The following PDE4A variants were observed in gnomAD, a reference collection of about 807,000 sequenced individuals.
PDE4A encodes phosphodiesterase 4A.
PDE4A carries 21 observed loss-of-function variants against 73.9 expected under a neutral mutation model. The ratio of observed to expected loss-of-function variants is 0.28; its 90% confidence interval spans 0.20 to 0.41. PDE4A has a LOEUF of 0.41. Among genes scored for constraint, PDE4A ranks in the 10% least tolerant of loss-of-function variants. PDE4A has a pLI of 1.00. For synonymous variants in PDE4A, 463 were observed against 505.4 expected, an observed-to-expected ratio of 0.92 and a Z score of 1.13; for missense variants, 958 against 1,211.4, an observed-to-expected ratio of 0.79 and a Z score of 3.10.
At position 10,461,012 on chromosome 19, in the gene PDE4A, C is replaced by G; in HGVS notation, c.1374C>G (p.Phe458Leu). Reference sequence around the variant, plus strand: ...CGTGTCTCTGCTCCCAGGCAGTGTTCACGGACCTGGAGATTCTCGCCGCCC... The same window carrying G: ...CGTGTCTCTGCTCCCAGGCAGTGTTGACGGACCTGGAGATTCTCGCCGCCC... ...LLATPALDAV[F>L]TDLEILAALF... is the part of the protein sequence containing the mutation. Residue 458 changes from phenylalanine to leucine, a missense_variant, in exon 11 of 15, where the codon TTC becomes TTG. Physicochemically the swap from Phe to Leu is conservative, Grantham distance 22. Around this residue, in one of 3 missense-constraint regions of PDE4A, gnomAD observed 570 missense variants for 827.7 expected, o/e 0.69. Transcript: ENST00000380702. The G allele has an allele frequency of 6.2e-7, 1 of 1,613,140 alleles. No individual in the cohort carries two copies. Among genetic ancestry groups the G allele is most frequent in the Non-Finnish European group, 8.5e-7 (1 of 1,179,314 alleles).
intron 1 of PDE4A, among the ~76,000 whole-genome samples, chr19:10,421,864 G>A (rs892742984): frequency 6.6e-6 from 1 of 152,200 alleles, no homozygotes; most frequent in Admixed American, 6.5e-5. Context: ...TGCTCCAGCT[G>A]TCCGGGTATG....
Position 10,424,276 on chromosome 19 carries a change from C to A in PDE4A, c.320+3192C>A, listed in dbSNP as rs2042686245. On this transcript the variant is annotated intron_variant, in intron 1 of 14. Transcript: ENST00000380702. This position sits in a 1 kb window ranked among gnomAD's most constrained non-coding sequence, Gnocchi z 4.8. Reference sequence around the variant, plus strand: ...CTGAACTGGGGACGGGGCCAACATACGGACCCTGCGTCCCCCCTCCCTGGG... The same window carrying A: ...CTGAACTGGGGACGGGGCCAACATAAGGACCCTGCGTCCCCCCTCCCTGGG... Among the ~76,000 whole-genome samples the A allele has an allele frequency of 6.6e-6, 1 of 152,216 alleles. No homozygotes were observed. The highest frequency in any genetic ancestry group is 2.4e-5 in the African/African-American group (1 of 41,464).
At chr19:10,446,062 T>C in intron 1 of PDE4A, 156 bp from the exon 2 acceptor site, 2 of 738,896 alleles carry the variant, frequency 2.7e-6, no homozygotes, top group Non-Finnish European at 3.3e-6. Context: ...GGTCTCGAAC[T>C]CCTGACCTCA....
At position 10,454,176 on chromosome 19, in the gene PDE4A, A is replaced by G. The variant is rs1456709753; in HGVS notation, c.784-653A>G. Among the ~76,000 whole-genome samples, 5 of 152,252 alleles carry G rather than the reference A, an allele frequency of 3.3e-5. No individual in the cohort carries two copies. In the South Asian group the frequency reaches 1.0e-3, roughly 32 times the overall value. On this transcript the variant is annotated intron_variant, in intron 6 of 14. Transcript: ENST00000380702. ...TTCTGGGGTTGGGGGAGAGTGGGCT[A>G]TGATGAGAACCCCCCTCCCCCTCCC...
chr19:10,425,222 C>CA (rs71297580), intron 1 of PDE4A, among the ~76,000 whole-genome samples: 18,692 of 143,404 alleles, frequency 0.13, 1,286 homozygotes, highest in South Asian at 0.22. Flanking sequence ...GACCCTGTCT[C>CA]AAAAAAAAAA....
intron 7 of PDE4A, among the ~76,000 whole-genome samples, chr19:10,456,513 G>A (rs2043171725): frequency 6.6e-6 from 1 of 150,966 alleles, no homozygotes; most frequent in Admixed American, 6.6e-5. Flanking sequence ...GTGACAGAGT[G>A]AGACTCCATC....
At chr19:10,428,778 C>A in intron 1 of PDE4A, 2 of 985,342 alleles carry the variant, frequency 2.0e-6, no homozygotes. Flanking sequence ...TCACTCTGGG[C>A]CCCATGGCAT....
chr19:10,438,875 G>C (rs928858534), intron 1 of PDE4A, among the ~76,000 whole-genome samples: 4 of 152,098 alleles, frequency 2.6e-5, no homozygotes, highest in Non-Finnish European at 5.9e-5. Flanking sequence ...CAAAGTGCTG[G>C]GTCACTGAGC....
At position 10,446,238 on chromosome 19, in the gene PDE4A, C is replaced by A; in HGVS notation, c.341C>A (p.Pro114Gln). Residue 114 changes from proline (P) to glutamine (Q), a missense_variant, in exon 2 of 15, where the codon CCG becomes CAG. Pro to Gln is a moderately conservative substitution (Grantham distance 76, BLOSUM62 -1). Coordinates refer to ENST00000380702, the MANE Select transcript of PDE4A (RefSeq NM_001111307.2). ...TGCAGCTTCGAGGCAGAGAATGGGC[C>A]GACACCATCTCCTGGCCGCAGCCCC... ...SSRRFEAENGPTPSPGRSPLD... is the reference protein window; with the variant it reads ...SSRRFEAENGQTPSPGRSPLD... 2 of 1,581,312 alleles carry A rather than the reference C, an allele frequency of 1.3e-6. No homozygotes were observed. Among genetic ancestry groups the A allele is most frequent in the Admixed American group, 3.7e-5 (2 of 54,252 alleles).
intron 8 of PDE4A, 107 bp from the exon 9 acceptor site, chr19:10,459,293 G>A: frequency 6.4e-7 from 1 of 1,560,752 alleles, no homozygotes; most frequent in Middle Eastern, 1.7e-4. Flanking sequence ...CCCACTGGGT[G>A]AGCAATAATG....
chr19:10,464,153 A>C (rs2043325295), intron 14 of PDE4A, 178 bp downstream of exon 14: 1 of 766,956 alleles, frequency 1.3e-6, no homozygotes, highest in Non-Finnish European at 2.1e-6. Flanking sequence ...GCTGGAGTAC[A>C]ATGGCACGAT....
At position 10,467,443 on chromosome 19, in the gene PDE4A, C is replaced by T. The variant is rs200707536; in HGVS notation, c.2483C>T (p.Ser828Phe). The change falls in exon 15 of 15, where the codon TCT (serine) becomes TTT (phenylalanine). Residue 828 changes from serine (S) to phenylalanine (F), a missense_variant. Transcript: ENST00000380702. ...SPLLPAWRTLSVSEHAPGLPG... is the reference protein window; with the variant it reads ...SPLLPAWRTLFVSEHAPGLPG... Reference sequence around the variant, plus strand: ...CTTCTCCCTGCTTGGAGGACCCTGTCTGTTTCAGAGCATGCCCCGGGCCTC... The same window carrying T: ...CTTCTCCCTGCTTGGAGGACCCTGTTTGTTTCAGAGCATGCCCCGGGCCTC... The T allele has an allele frequency of 1.7e-4, 281 of 1,613,788 alleles. 5 individuals carry two copies. Among genetic ancestry groups the T allele is most frequent in the South Asian group, 9.0e-4 (82 of 91,072 alleles).
At chr19:10,426,847 G>C (rs1426724482) in intron 1 of PDE4A, among the ~76,000 whole-genome samples, 1 of 149,880 alleles carries the variant, frequency 6.7e-6, no homozygotes, top group South Asian at 2.1e-4. Context: ...CAGCCTGGGT[G>C]ACAAAGCCAG....
intron 2 of PDE4A, 151 bp from the exon 3 acceptor site, chr19:10,448,766 T>C (rs1361232564): frequency 1.4e-6 from 2 of 1,446,158 alleles, no homozygotes; most frequent in South Asian, 2.8e-5. Context: ...TGGACACATA[T>C]CCACCCTTAT....
At chr19:10,430,009 G>A (rs1454583501) in intron 1 of PDE4A, among the ~76,000 whole-genome samples, 1 of 151,954 alleles carries the variant, frequency 6.6e-6, no homozygotes. Context: ...ACCTATATTC[G>A]GTCTATGAAA....
At position 10,463,912 on chromosome 19, in the gene PDE4A, C is replaced by G. The variant is rs202169888; in HGVS notation, c.1863C>G (p.Arg621=). The G allele has an allele frequency of 2.6e-5, 42 of 1,613,950 alleles. No homozygotes were observed. In the South Asian group the frequency reaches 4.5e-4, roughly 17 times the overall value. Residue 621 remains arginine, a synonymous_variant, in exon 14 of 15, where the codon CGC becomes CGG. Transcript: ENST00000380702. The stretch of plus-strand genomic sequence containing the variant: ...TCTTCCAGCAGGGTGACCGAGAGCG[C>G]GAGCGTGGCATGGAAATCAGCCCCA... ...AEFFQQGDRE[R]ERGMEISPMC...
Position 10,453,983 on chromosome 19 carries a change from C to T in PDE4A, c.784-846C>T, listed in dbSNP as rs970718211. On this transcript the variant is annotated intron_variant, in intron 6 of 14. Coordinates refer to ENST00000380702, the MANE Select transcript of PDE4A (RefSeq NM_001111307.2). This position sits in a 1 kb window ranked among gnomAD's most constrained non-coding sequence, Gnocchi z 4.6. The stretch of plus-strand genomic sequence containing the variant: ...CCTGCTTCCCTGGACAGAGTCTGCT[C>T]CTGCTTTTGGGGTGCTGTGGCAGAG... Among the ~76,000 whole-genome samples, 3 of 152,108 alleles carry T rather than the reference C, an allele frequency of 2.0e-5. No individual in the cohort carries two copies. The highest frequency in any genetic ancestry group is 4.4e-5 in the Non-Finnish European group (3 of 68,008).
At chr19:10,430,646 G>A (rs1425285896) in intron 1 of PDE4A, among the ~76,000 whole-genome samples, 2 of 151,830 alleles carry the variant, frequency 1.3e-5, no homozygotes, top group Non-Finnish European at 2.9e-5. Flanking sequence ...GGGTCTGCGG[G>A]AGAGTCCCCA....
rs1055107374 is a variant in PDE4A at position 10,423,159 on chromosome 19, T to C, written c.320+2075T>C. The C allele has an allele frequency of 7.6e-5, 38 of 500,894 alleles. No individual in the cohort carries two copies. In the African/African-American group the frequency reaches 7.8e-4, roughly 10 times the overall value. 31.0% of individuals were successfully genotyped at this position (500,894 alleles called of 1,614,324 possible). On this transcript the variant is annotated intron_variant, in intron 1 of 14. Coordinates refer to ENST00000380702, the MANE Select transcript of PDE4A (RefSeq NM_001111307.2). ...AGCCCAGAGACAAAACCCTTTCTCT[T>C]TTTTTTTTTTTTTTTTTTTTGACAG...
Sources: gnomAD v4.1 joint callset for allele counts (sites outside exome capture counted in the v4.1 genomes callset) on GRCh38, gnomAD v4.1.1 for gene constraint, gnomAD v4.1.1 regional missense constraint, Gnocchi (gnomAD v3.1) non-coding constraint, MANE v1.5 for transcripts, NCBI Gene and HGNC (gene_info 2026-07-23, HGNC 2026-07-21) for gene names.